Variants in ADAM10 observed in about 807,000 individuals in gnomAD.
ADAM10 encodes ADAM metallopeptidase domain 10.
A neutral mutation model predicts 90.1 loss-of-function variants in ADAM10; 17 were observed. The ratio of observed to expected loss-of-function variants is 0.19; its 90% CI spans 0.13 to 0.28. ADAM10 has a LOEUF of 0.28. Among genes scored for constraint, ADAM10 ranks in the 10% least tolerant of loss-of-function variants. The pLI is 1.00. For missense variants in ADAM10, 610 were observed against 914.3 expected, an observed-to-expected ratio of 0.67 and a Z score of 4.29; for synonymous variants, 310 against 298.6, an observed-to-expected ratio of 1.04 and a Z score of -0.40.
intron 11 of ADAM10, among the ~76,000 whole-genome samples, chr15:58,614,311 G>GA (rs869173032): frequency 5.5e-5 from 7 of 126,750 alleles, no homozygotes; most frequent in South Asian, 4.6e-4. Context: ...AAAAAAGAAA[G>GA]AAAAAAAAAA....
rs372649042 is a variant in ADAM10 at position 58,616,880 on chromosome 15, G to A, written c.1511+4591C>T. ...TCCCAGCACTTTGGGAGGCCGAGGCGGACAGATCACAAGGTCAAGAGATTG... is the reference window on the plus strand; with the variant it reads ...TCCCAGCACTTTGGGAGGCCGAGGCAGACAGATCACAAGGTCAAGAGATTG... On this transcript the variant is annotated intron_variant, in intron 11 of 15. Transcript: ENST00000260408. Among the ~76,000 whole-genome samples, 31 of 152,128 alleles carry A rather than the reference G, an allele frequency of 2.0e-4. No individual in the cohort carries two copies. The East Asian group carries it at 3.7e-3, about 18-fold the overall frequency.
At chr15:58,723,454 G>C (rs958538204) in intron 1 of ADAM10, among the ~76,000 whole-genome samples, 1 of 152,150 alleles carries the variant, frequency 6.6e-6, no homozygotes, top group African/African-American at 2.4e-5. Context: ...GGAAGCTGAG[G>C]TGGGTAGATC....
intron 1 of ADAM10, among the ~76,000 whole-genome samples, chr15:58,734,302 T>G (rs1374981279): frequency 6.6e-6 from 1 of 152,108 alleles, no homozygotes; most frequent in Non-Finnish European, 1.5e-5. Flanking sequence ...CCCAATCAAG[T>G]GAGAACTATT....
rs748669473 is a variant in ADAM10 at position 58,589,490 on chromosome 15, TAG to T, written c.*8055_*8056del. The T allele has an allele frequency of 2.0e-5, 3 of 152,268 alleles. No individual in the cohort carries two copies. The highest frequency in any genetic ancestry group is 4.4e-5 in the Non-Finnish European group (3 of 68,070). The allele number at this position is 152,268 out of a possible 1,614,324, so 9.4% of individuals were successfully genotyped here. On this transcript the variant is annotated 3_prime_UTR_variant, in exon 16 of 16. Coordinates refer to ENST00000260408, the MANE Select transcript of ADAM10 (RefSeq NM_001110.4). ...GAGCTACCAGGGCATCCTGTGTTTG[TAG>T]AGTTTCCAACACAAACCCCTCTGTA...
At chr15:58,699,216 G>A (rs1043223303) in intron 2 of ADAM10, among the ~76,000 whole-genome samples, 5 of 152,114 alleles carry the variant, frequency 3.3e-5, no homozygotes, top group African/African-American at 9.7e-5. Context: ...CAGAAATGAG[G>A]GAGAAATAAA....
At chr15:58,660,500 T>A (rs1373608320) in intron 5 of ADAM10, among the ~76,000 whole-genome samples, 1 of 152,176 alleles carries the variant, frequency 6.6e-6, no homozygotes, top group African/African-American at 2.4e-5. Context: ...TTAAAAAAAA[T>A]TGAGACAGGG....
chr15:58,726,768 G>C (rs1404598370), intron 1 of ADAM10, among the ~76,000 whole-genome samples: 2 of 151,456 alleles, frequency 1.3e-5, no homozygotes, highest in African/African-American at 2.4e-5. Flanking sequence ...AGGAGAGTGA[G>C]GTGGGAGGAC....
intron 6 of ADAM10, 26 bp downstream of exon 6, chr15:58,646,029 C>G: frequency 6.2e-7 from 1 of 1,611,968 alleles, no homozygotes; most frequent in East Asian, 2.2e-5. Flanking sequence ...ATGGGAACTA[C>G]TAAAATAGCG....
intron 1 of ADAM10, among the ~76,000 whole-genome samples, chr15:58,730,544 C>T (rs1899201936): frequency 6.6e-6 from 1 of 152,218 alleles, no homozygotes; most frequent in South Asian, 2.1e-4. Context: ...GTCACTTAAA[C>T]ACTTAGTTTC....
intron 4 of ADAM10, among the ~76,000 whole-genome samples, chr15:58,673,950 G>T (rs1897257311): frequency 6.6e-6 from 1 of 152,040 alleles, no homozygotes; most frequent in East Asian, 1.9e-4. Flanking sequence ...AGCCAGGATG[G>T]TCTTGATCTC....
chr15:58,648,827 A>C (rs1269035716), intron 5 of ADAM10, among the ~76,000 whole-genome samples: 1 of 152,110 alleles, frequency 6.6e-6, no homozygotes, highest in South Asian at 2.1e-4. Context: ...TCATTATGAC[A>C]TATCTATTTT....
intron 2 of ADAM10, among the ~76,000 whole-genome samples, chr15:58,693,623 G>A (rs1213388374): frequency 6.6e-6 from 1 of 151,926 alleles, no homozygotes; most frequent in Non-Finnish European, 1.5e-5. Flanking sequence ...ACTGTAACTG[G>A]AAACATCTAG....
At chr15:58,642,657 T>C (rs1896448103) in intron 7 of ADAM10, among the ~76,000 whole-genome samples, 1 of 152,174 alleles carries the variant, frequency 6.6e-6, no homozygotes, top group Non-Finnish European at 1.5e-5. Flanking sequence ...CATGCATTTC[T>C]TCATAATACA....
Position 58,678,991 on chromosome 15 carries a change from G to C in ADAM10, c.484+133C>G, listed in dbSNP as rs1184044834. 1.1e-5 allele frequency: 9 copies of C among 844,958 alleles called. No individual in the cohort carries two copies. The African/African-American group carries it at 1.5e-4, about 14-fold the overall frequency. The allele number at this position is 844,958 out of a possible 1,614,324, so 52.3% of individuals were successfully genotyped here. Reference sequence around the variant, plus strand: ...ATCTACTATTCCTTAAATAGCAATTGCTAGTAAAAACTATGTTCTAGCCTG... The same window carrying C: ...ATCTACTATTCCTTAAATAGCAATTCCTAGTAAAAACTATGTTCTAGCCTG... On this transcript the variant is annotated intron_variant, in intron 4 of 15. Transcript: ENST00000260408.
chr15:58,706,607 G>A (rs753262766), intron 2 of ADAM10, among the ~76,000 whole-genome samples: 12 of 152,116 alleles, frequency 7.9e-5, no homozygotes, highest in Non-Finnish European at 8.8e-5. Flanking sequence ...AGGAGAGGAG[G>A]AGGGGAAGAG....
intron 8 of ADAM10, among the ~76,000 whole-genome samples, chr15:58,634,516 G>A (rs1281782105): frequency 6.6e-6 from 1 of 152,022 alleles, no homozygotes; most frequent in African/African-American, 2.4e-5. Context: ...GAATTTAACA[G>A]CAAATGACAG....
chr15:58,714,031 C>A (rs554900754), intron 2 of ADAM10, among the ~76,000 whole-genome samples: 2 of 152,122 alleles, frequency 1.3e-5, no homozygotes, highest in South Asian at 4.1e-4. Context: ...GCCTCGATCT[C>A]TTGACCTCGT....
chr15:58,612,706 TGCTCTGG>T (rs1266140874), intron 11 of ADAM10, among the ~76,000 whole-genome samples: 1 of 152,134 alleles, frequency 6.6e-6, no homozygotes. Flanking sequence ...CCATGCACTG[TGCTCTGG>T]GCTCAAATCT....
intron 11 of ADAM10, among the ~76,000 whole-genome samples, chr15:58,612,973 G>A (rs1252812118): frequency 1.3e-4 from 20 of 152,290 alleles, no homozygotes; most frequent in East Asian, 3.9e-4. Flanking sequence ...CTACGCATCC[G>A]CAACTGGAAG....
Sources: gnomAD v4.1 joint callset for allele counts (sites outside exome capture counted in the v4.1 genomes callset) on GRCh38, gnomAD v4.1.1 for gene constraint, MANE v1.5 for transcripts, NCBI Gene and HGNC (gene_info 2026-07-23, HGNC 2026-07-21) for gene names.